The following UGT1A6 variants were observed in gnomAD, a reference collection of about 807,000 sequenced individuals.
The protein encoded by UGT1A6 is UDP glucuronosyltransferase family 1 member A6.
Under a neutral mutation model 44.4 loss-of-function variants are expected in UGT1A6, and 32 were observed. The ratio of observed to expected loss-of-function variants is 0.72; its 90% CI spans 0.54 to 0.97. The LOEUF (loss-of-function observed/expected upper bound fraction) is 0.97, where lower values mean the gene tolerates loss of function less well. Ranked by LOEUF, UGT1A6 falls within the 50% of genes least tolerant of loss-of-function variation. UGT1A6 has a pLI of 0.00. For missense variants in UGT1A6, 685 were observed against 661.9 expected, an observed-to-expected ratio of 1.03 and a Z score of -0.38; for synonymous variants, 238 against 248.5, an observed-to-expected ratio of 0.96 and a Z score of 0.40.
At chr2:233,698,433 A>G (rs2125575572) in intron 1 of UGT1A6, among the ~76,000 whole-genome samples, 3 of 152,338 alleles carry the variant, frequency 2.0e-5, no homozygotes, top group Middle Eastern at 6.8e-3. Context: ...TTAAGAAAAG[A>G]AGATATATCA....
At chr2:233,744,288 T>C (rs1457237548) in intron 1 of UGT1A6, among the ~76,000 whole-genome samples, 5 of 151,784 alleles carry the variant, frequency 3.3e-5, no homozygotes, top group Non-Finnish European at 7.4e-5. Context: ...TATCAGTCTT[T>C]TTCCTCGGCC....
Position 233,719,132 on chromosome 2 carries a change from A to G in UGT1A6, c.861+25267A>G, listed in dbSNP as rs373602050. The G allele has an allele frequency of 5.0e-6, 8 of 1,614,122 alleles. No individual in the cohort carries two copies. The African/African-American group carries it at 6.7e-5, about 13-fold the overall frequency. On this transcript the variant is annotated intron_variant, in intron 1 of 4. Transcript: ENST00000305139. Reference sequence around the variant, plus strand: ...ACACTCAAGGGTTCTTTGAAACAGAACATCTTCTGAAGAGATATTCTAGAA... The same window carrying G: ...ACACTCAAGGGTTCTTTGAAACAGAGCATCTTCTGAAGAGATATTCTAGAA...
At chr2:233,736,414 AC>A (rs1363284987) in intron 1 of UGT1A6, among the ~76,000 whole-genome samples, 6 of 152,024 alleles carry the variant, frequency 3.9e-5, no homozygotes, top group Non-Finnish European at 5.9e-5. Flanking sequence ...CATTCATCTA[AC>A]CTTTTTTCAA....
At chr2:233,710,419 A>G (rs1041680832) in intron 1 of UGT1A6, among the ~76,000 whole-genome samples, 3 of 152,226 alleles carry the variant, frequency 2.0e-5, no homozygotes, top group Non-Finnish European at 4.4e-5. Context: ...TATTTGTGCT[A>G]AGACTTGCTA....
chr2:233,724,281 C>CA (rs1553611764), intron 1 of UGT1A6, among the ~76,000 whole-genome samples: 3 of 111,954 alleles, frequency 2.7e-5, no homozygotes, highest in South Asian at 3.3e-4. Flanking sequence ...GCTGGCCGGG[C>CA]GGGGGGCTGA....
In UGT1A6 at chr2:233,760,233, CAT is replaced by C. The variant is rs3064744; in HGVS notation, c.862-6787_862-6786del. ...ACTTGGTGTATCGATTGGTTTTTGCCATATATATATATATAAGTAGGAGAGGG... is the reference window on the plus strand; with the variant it reads ...ACTTGGTGTATCGATTGGTTTTTGCCATATATATATATAAGTAGGAGAGGG... On this transcript the variant is annotated intron_variant, in intron 1 of 4. Coordinates refer to ENST00000305139, the MANE Select transcript of UGT1A6 (RefSeq NM_001072.4). 6.6e-3 allele frequency: 9,509 copies of C among 1,449,924 alleles called. 210 individuals carry two copies. The African/African-American group carries it at 0.077, about 12-fold the overall frequency. The allele number at this position is 1,449,924 out of a possible 1,614,324, so 89.8% of individuals were successfully genotyped here.
At chr2:233,743,095 G>C (rs1692201542) in intron 1 of UGT1A6, 3 of 349,024 alleles carry the variant, frequency 8.6e-6, no homozygotes, top group African/African-American at 6.5e-5. Flanking sequence ...ATAAATTCTT[G>C]GGTACAGCTG....
chr2:233,717,706 G>A (rs578061394), intron 1 of UGT1A6: 10 of 451,154 alleles, frequency 2.2e-5, no homozygotes, highest in African/African-American at 4.0e-5. Context: ...GGAGCAGGAC[G>A]AGCCTCATGG....
At chr2:233,752,070 A>G (rs1694888070) in intron 1 of UGT1A6, among the ~76,000 whole-genome samples, 1 of 152,244 alleles carries the variant, frequency 6.6e-6, no homozygotes, top group Non-Finnish European at 1.5e-5. Flanking sequence ...GAGATGGGGA[A>G]GTCTCTCTAC....
At chr2:233,697,815 A>T (rs1380168225) in intron 1 of UGT1A6, among the ~76,000 whole-genome samples, 2 of 152,006 alleles carry the variant, frequency 1.3e-5, no homozygotes, top group African/African-American at 4.8e-5. Context: ...TTTCTTTTTA[A>T]TTTCAAGAAA....
intron 1 of UGT1A6, among the ~76,000 whole-genome samples, chr2:233,748,859 T>G (rs1694048871): frequency 6.6e-6 from 1 of 151,492 alleles, no homozygotes; most frequent in Non-Finnish European, 1.5e-5. Flanking sequence ...TAAGCCCAGT[T>G]AAGCTGGGGA....
At chr2:233,701,948 A>G (rs2075662361) in intron 1 of UGT1A6, among the ~76,000 whole-genome samples, 1 of 152,208 alleles carries the variant, frequency 6.6e-6, no homozygotes, top group African/African-American at 2.4e-5. Flanking sequence ...GAAAAGCAAG[A>G]GCAAACACAT....
chr2:233,729,822 A>G, intron 1 of UGT1A6: 1 of 1,613,914 alleles, frequency 6.2e-7, no homozygotes, highest in Non-Finnish European at 8.5e-7. Flanking sequence ...CTCCTTATGC[A>G]AGCCTTGCCT....
rs1474978405 is a variant in UGT1A6, at chr2:233,736,640, C to A, written c.862-30394C>A. 3.3e-5 allele frequency among the ~76,000 whole-genome samples: 5 copies of A among 152,206 alleles called. No individual in the cohort carries two copies. In the South Asian group the frequency reaches 1.0e-3, roughly 32 times the overall value. ...TCAGCTTTTCTGCTCTAGTTTCCCC[C>A]CATCTTTGTGGTTTTATGTACCTTA... On this transcript the variant is annotated intron_variant, in intron 1 of 4. Coordinates refer to ENST00000305139, the MANE Select transcript of UGT1A6 (RefSeq NM_001072.4).
At chr2:233,716,482 AG>A (rs1254204118) in intron 1 of UGT1A6, among the ~76,000 whole-genome samples, 1 of 152,104 alleles carries the variant, frequency 6.6e-6, no homozygotes, top group East Asian at 1.9e-4. Flanking sequence ...TGTCCTCCGT[AG>A]TCTTCTATTC....
At chr2:233,750,627 TC>T (rs1482081240) in intron 1 of UGT1A6, 1 of 151,448 alleles carries the variant, frequency 6.6e-6, no homozygotes, top group Non-Finnish European at 1.5e-5. Flanking sequence ...GGGTCCATGC[TC>T]CCCCTGCTGT....
At chr2:233,719,565 G>T in intron 1 of UGT1A6, 1 of 1,613,918 alleles carries the variant, frequency 6.2e-7, no homozygotes, top group South Asian at 1.1e-5. Context: ...GGTGGATCTT[G>T]TCAGCTATGC....
intron 1 of UGT1A6, among the ~76,000 whole-genome samples, chr2:233,725,008 C>T (rs1479605569): frequency 5.4e-5 from 8 of 148,164 alleles, no homozygotes; most frequent in African/African-American, 2.0e-4. Context: ...ACCGGCCCGG[C>T]CAAACAGCAA....
At chr2:233,760,991 C>G in intron 1 of UGT1A6, 1 of 1,614,190 alleles carries the variant, frequency 6.2e-7, no homozygotes. Context: ...ACCCTTGCCT[C>G]AGAATTCCTT....
Sources: gnomAD v4.1 joint callset for allele counts (sites outside exome capture counted in the v4.1 genomes callset) on GRCh38, gnomAD v4.1.1 for gene constraint, MANE v1.5 for transcripts, NCBI Gene and HGNC (gene_info 2026-07-23, HGNC 2026-07-21) for gene names.